PAPSS1: variants seen among roughly 807,000 people sequenced by gnomAD.
The protein encoded by PAPSS1 is 3'-phosphoadenosine 5'-phosphosulfate synthase 1.
Under a neutral mutation model 72.0 loss-of-function variants are expected in PAPSS1, and 50 were observed. The ratio of observed to expected loss-of-function variants is 0.69; its 90% CI spans 0.55 to 0.88. The LOEUF is 0.88. PAPSS1 is among the 40% of genes least tolerant of loss of function. PAPSS1 has a pLI of 0.00. For synonymous variants in PAPSS1, 261 were observed against 263.6 expected (o/e 0.99, Z 0.09); for missense variants, 657 against 782.2 (o/e 0.84, Z 1.91).
At chr4:107,675,409 C>G (rs1038558197) in intron 5 of PAPSS1, among the ~76,000 whole-genome samples, 10 of 152,234 alleles carry the variant, frequency 6.6e-5, no homozygotes, top group Admixed American at 1.3e-4. Flanking sequence ...ATCAACACCT[C>G]TACACAAATA....
intron 5 of PAPSS1, among the ~76,000 whole-genome samples, chr4:107,672,985 C>A (rs1242963040): frequency 6.6e-6 from 1 of 152,284 alleles, no homozygotes; most frequent in South Asian, 2.1e-4. Flanking sequence ...CTCCAACAGA[C>A]CTGCAGCTGA....
chr4:107,653,083 GAATA>G (rs2110317735), intron 9 of PAPSS1, among the ~76,000 whole-genome samples: 1 of 148,096 alleles, frequency 6.8e-6, no homozygotes, highest in South Asian at 2.1e-4. Context: ...ATACATATAT[GAATA>G]TATATGAATA....
chr4:107,699,551 C>T (rs945081587), intron 2 of PAPSS1, among the ~76,000 whole-genome samples: 12 of 152,076 alleles, frequency 7.9e-5, no homozygotes, highest in Non-Finnish European at 1.2e-4. Flanking sequence ...TGGAAAAAAA[C>T]GAAAATGGAT....
At chr4:107,628,676 T>C (rs548909385) in intron 11 of PAPSS1, among the ~76,000 whole-genome samples, 2 of 152,332 alleles carry the variant, frequency 1.3e-5, no homozygotes, top group African/African-American at 2.4e-5. Context: ...AAAGAGCAGG[T>C]ATACTAAATA....
Position 107,653,492 on chromosome 4 carries a change from A to T in PAPSS1, c.1236T>A (p.Ala412=). 1 of 1,610,408 alleles carries T rather than the reference A, an allele frequency of 6.2e-7. No homozygotes were observed. The change falls in exon 9 of 12, where the codon GCT becomes GCA. Residue 412 remains alanine, a splice_region_variant and synonymous_variant. Coordinates refer to ENST00000265174, the MANE Select transcript of PAPSS1 (RefSeq NM_005443.5). ...ELKQKFKDMN[A]DAVFAFQLRN... ...TAGGTAATTAAATCCATGTCTTACCAGCATTCATATCTTTAAATTTCTGCT... is the reference window on the plus strand; with the variant it reads ...TAGGTAATTAAATCCATGTCTTACCTGCATTCATATCTTTAAATTTCTGCT...
chr4:107,642,929 C>T (rs2110310229), intron 10 of PAPSS1, among the ~76,000 whole-genome samples: 1 of 152,302 alleles, frequency 6.6e-6, no homozygotes, highest in South Asian at 2.1e-4. Flanking sequence ...TAGCAATTCT[C>T]CTCCCTGGTA....
At chr4:107,640,869 T>G (rs372930700) in intron 10 of PAPSS1, among the ~76,000 whole-genome samples, 2 of 152,184 alleles carry the variant, frequency 1.3e-5, no homozygotes, top group Non-Finnish European at 1.5e-5. Flanking sequence ...GACAGAGATG[T>G]AGAGGCAGAC....
Position 107,701,297 on chromosome 4 carries a change from A to AG in PAPSS1, c.61-13dup, listed in dbSNP as rs775623562. On this transcript the variant is annotated splice_polypyrimidine_tract_variant and intron_variant, in intron 1 of 11. Transcript: ENST00000265174. ...GCTCTCTGCATTCCCTAGAAAAAAA[A>AG]GAAAAAAAAAATTCTAGTTTACATG... 7.6e-6 allele frequency: 12 copies of AG among 1,579,122 alleles called. No individual in the cohort carries two copies. The South Asian group carries it at 1.4e-4, about 18-fold the overall frequency.
intron 1 of PAPSS1, among the ~76,000 whole-genome samples, chr4:107,709,059 G>T (rs1723420259): frequency 6.6e-6 from 1 of 152,168 alleles, no homozygotes; most frequent in Non-Finnish European, 1.5e-5. Flanking sequence ...CTTCTACCAT[G>T]CAGCTGCACT....
At position 107,654,846 on chromosome 4, in the gene PAPSS1, T is replaced by A; in HGVS notation, c.950A>T (p.Lys317Ile). 4 of 1,614,030 alleles carry A rather than the reference T, an allele frequency of 2.5e-6. No individual in the cohort carries two copies. Among genetic ancestry groups the A allele is most frequent in the Non-Finnish European group, 3.4e-6 (4 of 1,179,958 alleles). ...PIVLTATHEDKERLDGCTAFA... is the reference protein window; with the variant it reads ...PIVLTATHEDIERLDGCTAFA... Reference sequence around the variant, plus strand: ...TGCTGTACAGCCGTCCAGCCTCTCTTTATCTTCATGAGTCGCAGTCAGAAC... The same window carrying A: ...TGCTGTACAGCCGTCCAGCCTCTCTATATCTTCATGAGTCGCAGTCAGAAC... Residue 317 changes from lysine to isoleucine, a missense_variant, in exon 8 of 12, where the codon AAA becomes ATA. This residue lies in a region of PAPSS1 where 190 missense variants were observed against 176.7 expected (regional missense o/e 1.07). Transcript: ENST00000265174.
chr4:107,694,978 T>C (rs1723030834), intron 2 of PAPSS1, among the ~76,000 whole-genome samples: 1 of 152,196 alleles, frequency 6.6e-6, no homozygotes, highest in Non-Finnish European at 1.5e-5. Flanking sequence ...GAGAGGGCTT[T>C]TTTTTGGTTC....
intron 3 of PAPSS1, among the ~76,000 whole-genome samples, chr4:107,691,616 G>T (rs1722919509): frequency 6.6e-6 from 1 of 152,180 alleles, no homozygotes; most frequent in African/African-American, 2.4e-5. Context: ...GAGCCAGTGG[G>T]GTTTGGAGGC....
chr4:107,630,184 G>C (rs532383734), intron 11 of PAPSS1, among the ~76,000 whole-genome samples: 9 of 141,488 alleles, frequency 6.4e-5, no homozygotes, highest in Non-Finnish European at 1.1e-4. Flanking sequence ...ACTCACAAAA[G>C]TGTCCTGATC....
chr4:107,663,803 G>A (rs1341393100), intron 5 of PAPSS1, among the ~76,000 whole-genome samples: 7 of 152,256 alleles, frequency 4.6e-5, no homozygotes, highest in South Asian at 2.1e-4. Flanking sequence ...ATAGATGAGC[G>A]AATTGAAGTC....
chr4:107,676,373 A>C (rs1348279950), intron 5 of PAPSS1, among the ~76,000 whole-genome samples: 5 of 152,338 alleles, frequency 3.3e-5, no homozygotes, highest in African/African-American at 1.2e-4. Context: ...AATCACAAGC[A>C]TTCTTATACA....
At chr4:107,675,602 G>T (rs1395119997) in intron 5 of PAPSS1, among the ~76,000 whole-genome samples, 2 of 152,108 alleles carry the variant, frequency 1.3e-5, no homozygotes, top group African/African-American at 2.4e-5. Context: ...TTCTACCAGA[G>T]GTACAAGGAG....
intron 4 of PAPSS1, among the ~76,000 whole-genome samples, chr4:107,682,413 G>C (rs1433868903): frequency 6.6e-6 from 1 of 152,120 alleles, no homozygotes; most frequent in Non-Finnish European, 1.5e-5. Context: ...TATGGTTTGA[G>C]AACTAAAACC....
chr4:107,655,651 T>A (rs1403076552), intron 7 of PAPSS1, among the ~76,000 whole-genome samples: 1 of 152,222 alleles, frequency 6.6e-6, no homozygotes, highest in African/African-American at 2.4e-5. Flanking sequence ...AGAAATCATA[T>A]TTTTTGGACA....
intron 11 of PAPSS1, among the ~76,000 whole-genome samples, chr4:107,623,750 A>G (rs750871589): frequency 5.3e-5 from 8 of 152,170 alleles, no homozygotes; most frequent in Non-Finnish European, 1.0e-4. Context: ...CATCTACACT[A>G]TGAGGCATTG....
Sources: allele counts gnomAD v4.1 joint callset (sites outside exome capture counted in the v4.1 genomes callset), GRCh38; gene constraint gnomAD v4.1.1; regional missense constraint gnomAD v4.1.1; transcripts MANE v1.5; gene names NCBI Gene and HGNC (gene_info 2026-07-23, HGNC 2026-07-21).